The following ERC1 variants were observed in gnomAD, a reference collection of about 807,000 sequenced individuals.
The protein encoded by ERC1 is ELKS/RAB6-interacting/CAST family member 1.
In ERC1, 56 loss-of-function variants were observed where a neutral mutation model predicts 132.0. The observed-to-expected ratio is 0.42, with a 90% confidence interval of 0.34 to 0.53. The LOEUF is 0.53. Among genes scored for constraint, ERC1 ranks in the 20% least tolerant of loss-of-function variants. The probability of loss-of-function intolerance (pLI) is 0.03; values close to 1 mark genes in which losing one functional copy is unlikely to be tolerated. For missense variants in ERC1, 1,202 were observed against 1,349.9 expected (o/e 0.89, Z 1.72); for synonymous variants, 478 against 476.1 (o/e 1.00, Z -0.05).
chr12:1,191,595 G>C (rs1427386297), intron 12 of ERC1, among the ~76,000 whole-genome samples: 2 of 152,126 alleles, frequency 1.3e-5, no homozygotes, highest in Non-Finnish European at 2.9e-5. Context: ...CACCAATATT[G>C]ATTTTGGGAG....
At chr12:1,063,835 G>T (rs910776308) in intron 2 of ERC1, among the ~76,000 whole-genome samples, 3 of 151,986 alleles carry the variant, frequency 2.0e-5, no homozygotes, top group African/African-American at 7.3e-5. Flanking sequence ...GATAACATTT[G>T]ACTAGTTTCT....
chr12:1,149,746 A>G (rs181281280), intron 8 of ERC1, among the ~76,000 whole-genome samples: 4 of 152,278 alleles, frequency 2.6e-5, no homozygotes, highest in Admixed American at 6.5e-5. Flanking sequence ...CTCAGCCAAT[A>G]TGATGTATAG....
At chr12:1,447,399 C>G (rs536160828) in intron 18 of ERC1, among the ~76,000 whole-genome samples, 2 of 151,518 alleles carry the variant, frequency 1.3e-5, no homozygotes, top group African/African-American at 2.4e-5. Context: ...GCCTGTAGTC[C>G]CAGCTGCTCA....
chr12:1,049,976 C>T (rs958886206), intron 2 of ERC1, among the ~76,000 whole-genome samples: 1 of 152,042 alleles, frequency 6.6e-6, no homozygotes, highest in South Asian at 2.1e-4. Context: ...CTCCTGACCT[C>T]AGGTGATCCG....
chr12:1,323,304 A>G (rs1289529206), intron 15 of ERC1, among the ~76,000 whole-genome samples: 1 of 152,206 alleles, frequency 6.6e-6, no homozygotes, highest in Non-Finnish European at 1.5e-5. Flanking sequence ...ATAAAATTAC[A>G]TGTGATTTGT....
intron 5 of ERC1, among the ~76,000 whole-genome samples, chr12:1,110,734 G>A (rs756586819): frequency 1.8e-4 from 28 of 152,060 alleles, no homozygotes; most frequent in Non-Finnish European, 2.1e-4. Flanking sequence ...ATGGAGTTTC[G>A]CTCTTGTCAC....
chr12:1,488,461 G>T (rs1292740934), intron 18 of ERC1, among the ~76,000 whole-genome samples: 1 of 152,146 alleles, frequency 6.6e-6, no homozygotes, highest in Non-Finnish European at 1.5e-5. Flanking sequence ...CCGAGGCAGA[G>T]GCGGGATTAC....
chr12:1,074,017 A>G (rs1048484961), intron 2 of ERC1, among the ~76,000 whole-genome samples: 6 of 143,828 alleles, frequency 4.2e-5, no homozygotes, highest in Admixed American at 2.1e-4. Context: ...GGCACGCACC[A>G]CTACACCCAG....
intron 12 of ERC1, among the ~76,000 whole-genome samples, chr12:1,228,780 G>C (rs1410901894): frequency 6.6e-6 from 1 of 152,076 alleles, no homozygotes; most frequent in Admixed American, 6.5e-5. Context: ...TCAGATGATT[G>C]TGTGATTTTT....
At chr12:1,397,227 C>T (rs1806106782) in intron 16 of ERC1, among the ~76,000 whole-genome samples, 1 of 152,164 alleles carries the variant, frequency 6.6e-6, no homozygotes, top group African/African-American at 2.4e-5. Flanking sequence ...ATGTAGACCT[C>T]TTATAGAGGC....
intron 11 of ERC1, among the ~76,000 whole-genome samples, chr12:1,189,173 A>G (rs1263842110): frequency 6.6e-6 from 1 of 152,098 alleles, no homozygotes; most frequent in Non-Finnish European, 1.5e-5. Flanking sequence ...TGGGCCTCCT[A>G]TAGTGCTGGG....
intron 11 of ERC1, among the ~76,000 whole-genome samples, chr12:1,187,826 AT>A (rs1469710180): frequency 6.6e-6 from 1 of 152,186 alleles, no homozygotes; most frequent in African/African-American, 2.4e-5. Context: ...CCCTTGACTT[AT>A]ATAATTTATA....
At chr12:1,303,231 A>G (rs1277991237) in intron 15 of ERC1, among the ~76,000 whole-genome samples, 1 of 152,156 alleles carries the variant, frequency 6.6e-6, no homozygotes, top group East Asian at 1.9e-4. Context: ...TGCCACATCA[A>G]TGGACTCTTC....
chr12:1,045,130 T>TA (rs1390499505), intron 2 of ERC1, among the ~76,000 whole-genome samples: 1 of 152,152 alleles, frequency 6.6e-6, no homozygotes, highest in Non-Finnish European at 1.5e-5. Context: ...TAAATTTTCT[T>TA]ATTCTGCTTA....
intron 3 of ERC1, among the ~76,000 whole-genome samples, chr12:1,103,145 A>G (rs1312971748): frequency 6.6e-6 from 1 of 152,218 alleles, no homozygotes; most frequent in Non-Finnish European, 1.5e-5. Flanking sequence ...TATCACAACA[A>G]CTAAACCTAA....
intron 8 of ERC1, among the ~76,000 whole-genome samples, chr12:1,150,706 A>G (rs963488863): frequency 2.6e-5 from 4 of 152,220 alleles, no homozygotes; most frequent in Non-Finnish European, 2.9e-5. Flanking sequence ...CCCCAGTCCA[A>G]TTATGAACAA....
chr12:1,178,327 CTT>C (rs1566156657), intron 8 of ERC1, among the ~76,000 whole-genome samples: 1 of 152,128 alleles, frequency 6.6e-6, no homozygotes, highest in South Asian at 2.1e-4. Flanking sequence ...GAAGTCCAAA[CTT>C]ATATTTTATT....
At chr12:1,411,858 T>G (rs2091871441) in intron 17 of ERC1, among the ~76,000 whole-genome samples, 4 of 152,178 alleles carry the variant, frequency 2.6e-5, no homozygotes, top group African/African-American at 7.2e-5. Context: ...CTGTTGGTAT[T>G]CTAGGAAACA....
intron 3 of ERC1, among the ~76,000 whole-genome samples, chr12:1,093,771 A>C (rs1943554938): frequency 6.6e-6 from 1 of 151,448 alleles, no homozygotes; most frequent in South Asian, 2.1e-4. Context: ...GGAATTCTGA[A>C]TCTAACTAGC....
Sources: gnomAD v4.1 joint callset for allele counts (sites outside exome capture counted in the v4.1 genomes callset) on GRCh38, gnomAD v4.1.1 for gene constraint, MANE v1.5 for transcripts, NCBI Gene and HGNC (gene_info 2026-07-23, HGNC 2026-07-21) for gene names.